The following GRHL2 variants were observed in gnomAD, a reference collection of about 807,000 sequenced individuals.
GRHL2 encodes the protein grainyhead like transcription factor 2, also known as grainyhead-like protein 2 homolog.
Under a neutral mutation model 83.8 loss-of-function variants are expected in GRHL2, and 21 were observed. The ratio of observed to expected loss-of-function variants is 0.25; its 90% confidence interval spans 0.18 to 0.36. GRHL2 has a LOEUF of 0.36. GRHL2 is among the 10% of genes least tolerant of loss of function. GRHL2 has a pLI of 1.00. For missense variants in GRHL2, 623 were observed against 781.8 expected, an observed-to-expected ratio of 0.80 and a Z score of 2.42; for synonymous variants, 280 against 278.9, an observed-to-expected ratio of 1.00 and a Z score of -0.04.
chr8:101,587,577 T>C (rs973381572), intron 7 of GRHL2, among the ~76,000 whole-genome samples: 14 of 152,388 alleles, frequency 9.2e-5, no homozygotes, highest in African/African-American at 3.4e-4. Context: ...TCCATAGCTA[T>C]AACATCATTC....
At chr8:101,519,506 C>T (rs1257076560) in intron 1 of GRHL2, among the ~76,000 whole-genome samples, 2 of 151,720 alleles carry the variant, frequency 1.3e-5, no homozygotes, top group Non-Finnish European at 2.9e-5. Context: ...TTAAGCAATC[C>T]TCCTGCCTCA....
intron 1 of GRHL2, among the ~76,000 whole-genome samples, chr8:101,501,891 T>C (rs1237428977): frequency 6.6e-6 from 1 of 152,156 alleles, no homozygotes; most frequent in Admixed American, 6.5e-5. Flanking sequence ...GCTTTTTTTT[T>C]TTAAGAAAGA....
At chr8:101,569,222 G>T (rs1811774539) in intron 4 of GRHL2, among the ~76,000 whole-genome samples, 1 of 152,040 alleles carries the variant, frequency 6.6e-6, no homozygotes, top group Non-Finnish European at 1.5e-5. Flanking sequence ...CTTTTGAAAA[G>T]GTTCTAAGAT....
intron 8 of GRHL2, among the ~76,000 whole-genome samples, chr8:101,614,952 T>C (rs1046491553): frequency 6.6e-6 from 1 of 152,182 alleles, no homozygotes; most frequent in African/African-American, 2.4e-5. Context: ...CCAACCCTAT[T>C]ATAAATTCCT....
chr8:101,557,483 C>T (rs1201070878), intron 3 of GRHL2, among the ~76,000 whole-genome samples: 2 of 152,086 alleles, frequency 1.3e-5, no homozygotes, highest in Non-Finnish European at 2.9e-5. Context: ...CTTGGGCTCC[C>T]AAAGTTCTGG....
Position 101,666,808 on chromosome 8 carries a change from C to A in GRHL2, c.*105C>A, listed in dbSNP as rs779507736. The A allele has an allele frequency of 1.6e-5, 12 of 756,722 alleles. No homozygotes were observed. Among genetic ancestry groups the A allele is most frequent in the Non-Finnish European group, 2.9e-5 (12 of 418,612 alleles). 46.9% of individuals were successfully genotyped at this position (756,722 alleles called of 1,614,324 possible). A position where few individuals can be genotyped will look rare whatever the true frequency, so the allele number is the denominator to read the frequency against. On this transcript the variant is annotated 3_prime_UTR_variant, in exon 16 of 16. Transcript: ENST00000646743. ...CTGGAGACCCATCTCCCCCATCTCA[C>A]AACTGCTGTTACAAGACCGTGCTGG...
In GRHL2 at chr8:101,492,781, G is replaced by A; in HGVS notation, c.12G>A (p.Glu4=). 2 of 1,614,050 alleles carry A rather than the reference G, an allele frequency of 1.2e-6. No individual in the cohort carries two copies. Among genetic ancestry groups the A allele is most frequent in the Non-Finnish European group, 1.7e-6 (2 of 1,179,898 alleles). MSQ[E]SDNNKRLVAL... is the part of the protein sequence containing the mutation. ...TCATTGGATCAAACATGTCACAAGA[G>A]TCGGACAAGTAAGTGGATCACACGC... The change falls in exon 1 of 16, where the codon GAG becomes GAA. Residue 4 remains glutamate (E), a synonymous_variant. Coordinates refer to ENST00000646743, the MANE Select transcript of GRHL2 (RefSeq NM_024915.4).
At chr8:101,589,277 G>A (rs1026897131) in intron 7 of GRHL2, among the ~76,000 whole-genome samples, 1 of 152,170 alleles carries the variant, frequency 6.6e-6, no homozygotes, top group Admixed American at 6.5e-5. Flanking sequence ...TGTGGACAGA[G>A]ACAAAATGGT....
intron 12 of GRHL2, among the ~76,000 whole-genome samples, chr8:101,642,007 A>C (rs1186773126): frequency 6.6e-6 from 1 of 152,166 alleles, no homozygotes; most frequent in Non-Finnish European, 1.5e-5. Flanking sequence ...TACAGATGCA[A>C]ATTTTTTCTG....
At chr8:101,648,971 G>T (rs1813567052) in intron 13 of GRHL2, among the ~76,000 whole-genome samples, 1 of 152,124 alleles carries the variant, frequency 6.6e-6, no homozygotes, top group Admixed American at 6.5e-5. Context: ...TCTCTAAATG[G>T]ACTGCAAAAT....
At position 101,619,350 on chromosome 8, in the gene GRHL2, A is replaced by T. The variant is rs116616762; in HGVS notation, c.1099-189A>T. On this transcript the variant is annotated intron_variant, in intron 8 of 15. Transcript: ENST00000646743. Reference sequence around the variant, plus strand: ...AAGATTAAATATGAAAGCAGATTTTAAAAATAATGTATAATTATAAATTAT... The same window carrying T: ...AAGATTAAATATGAAAGCAGATTTTTAAAATAATGTATAATTATAAATTAT... Among the ~76,000 whole-genome samples the T allele has an allele frequency of 0.01, 1,589 of 152,362 alleles. 32 individuals carry two copies. The highest frequency in any genetic ancestry group is 0.036 in the African/African-American group (1,511 of 41,580).
intron 14 of GRHL2, among the ~76,000 whole-genome samples, chr8:101,656,181 A>T (rs1193532791): frequency 6.6e-6 from 1 of 152,190 alleles, no homozygotes; most frequent in Non-Finnish European, 1.5e-5. Flanking sequence ...GTTGAATGTC[A>T]AGTTCATGAG....
intron 1 of GRHL2, chr8:101,542,649 T>G: frequency 2.5e-6 from 1 of 404,612 alleles, no homozygotes. Flanking sequence ...ATTGTTTTAG[T>G]CAATTTTGTG....
At chr8:101,629,367 G>A (rs1199557789) in intron 9 of GRHL2, among the ~76,000 whole-genome samples, 2 of 151,358 alleles carry the variant, frequency 1.3e-5, no homozygotes, top group African/African-American at 2.4e-5. Context: ...TAGACATAAC[G>A]CTATTGCACA....
chr8:101,611,898 G>A (rs763599838), intron 8 of GRHL2, among the ~76,000 whole-genome samples: 4 of 150,886 alleles, frequency 2.7e-5, no homozygotes, highest in Middle Eastern at 3.2e-3. Context: ...GGCAGCATGC[G>A]CTTTCTTTCT....
intron 12 of GRHL2, among the ~76,000 whole-genome samples, chr8:101,640,114 A>G (rs1586163741): frequency 6.6e-6 from 1 of 152,212 alleles, no homozygotes; most frequent in Non-Finnish European, 1.5e-5. Context: ...GCACAATCGA[A>G]TCACCTGGGG....
At chr8:101,573,474 G>A (rs1811867390) in intron 5 of GRHL2, among the ~76,000 whole-genome samples, 194 bp from the exon 6 acceptor site, 1 of 152,150 alleles carries the variant, frequency 6.6e-6, no homozygotes, top group East Asian at 1.9e-4. Context: ...ATGGGCCACT[G>A]TTAGAAATGT....
At chr8:101,577,580 A>AGGCTCCCCTTGGCATTG in intron 7 of GRHL2, 61 bp downstream of exon 7, 4 of 1,127,238 alleles carry the variant, frequency 3.5e-6, no homozygotes, top group Non-Finnish European at 5.4e-6. Context: ...TCTCAATGCC[A>AGGCTCCCCTTGGCATTG]AGGGGAGCCT....
chr8:101,598,099 A>C (rs922054609), intron 7 of GRHL2, among the ~76,000 whole-genome samples: 2 of 152,186 alleles, frequency 1.3e-5, no homozygotes, highest in Non-Finnish European at 2.9e-5. Flanking sequence ...ATATATAAAC[A>C]CATTTATAGC....
Sources: gnomAD v4.1 joint callset for allele counts (sites outside exome capture counted in the v4.1 genomes callset) on GRCh38, gnomAD v4.1.1 for gene constraint, MANE v1.5 for transcripts, NCBI Gene and HGNC (gene_info 2026-07-23, HGNC 2026-07-21) for gene names.